The following ATP2A3 variants were observed in gnomAD, a reference collection of about 807,000 sequenced individuals.
ATP2A3 encodes the protein ATPase sarcoplasmic/endoplasmic reticulum Ca2+ transporting 3.
A neutral mutation model predicts 106.8 loss-of-function variants in ATP2A3; 61 were observed. That is an observed-to-expected ratio of 0.57 (90% CI 0.46 to 0.71). The LOEUF (loss-of-function observed/expected upper bound fraction) is 0.71. Ranked by LOEUF, ATP2A3 falls within the 30% of genes least tolerant of loss-of-function variation. The probability of loss-of-function intolerance (pLI) is 0.00; values close to 1 mark genes in which losing one functional copy is unlikely to be tolerated. For missense variants in ATP2A3, 1,201 were observed against 1,423.5 expected (o/e 0.84, Z 2.52); for synonymous variants, 611 against 609.3 (o/e 1.00, Z -0.04).
intron 3 of ATP2A3, 42 bp from the exon 4 acceptor site, chr17:3,951,727 C>G (rs755228198): frequency 2.6e-6 from 4 of 1,556,654 alleles, no homozygotes; most frequent in South Asian, 1.2e-5. Flanking sequence ...TGCTGCGGGC[C>G]GAGATCTGCT....
chr17:3,953,459 G>T lies in ATP2A3; in HGVS notation c.137-30C>A, dbSNP rs773956994. ...GAACGGGGGTCATGTGTGAGGCTGG[G>T]CCCCCACCACTGACCCTGCCCACTC... On this transcript the variant is annotated intron_variant, in intron 2 of 20. Transcript: ENST00000397041. The surrounding 1 kb of genome is among the most constrained non-coding windows in gnomAD (Gnocchi z 5.1). 6.2e-7 allele frequency: 1 copy of T among 1,607,148 alleles called. No individual in the cohort carries two copies. Among genetic ancestry groups the T allele is most frequent in the South Asian group, 1.1e-5 (1 of 90,926 alleles).
chr17:3,935,074 G>T, intron 17 of ATP2A3, 118 bp downstream of exon 17: 1 of 1,062,172 alleles, frequency 9.4e-7, no homozygotes, highest in Non-Finnish European at 1.4e-6. Context: ...GTTTATTCGT[G>T]TATAGCGAGT....
Position 3,925,604 on chromosome 17 carries a change from C to G in ATP2A3, c.2981-163G>C, listed in dbSNP as rs538649428. On this transcript the variant is annotated intron_variant, in intron 20 of 20. Transcript: ENST00000397041. The surrounding 1 kb of genome is among the most constrained non-coding windows in gnomAD (Gnocchi z 4.2). ...AGTCTACCCCAGCCCCACCGGACCC[C>G]CCAAGCTGCATCCAGGATCCATCCC... Among the ~76,000 whole-genome samples, 11 of 151,836 alleles carry G rather than the reference C, an allele frequency of 7.2e-5. No individual in the cohort carries two copies. Among genetic ancestry groups the G allele is most frequent in the African/African-American group, 2.4e-4 (10 of 41,378 alleles).
intron 1 of ATP2A3, 78 bp downstream of exon 1, chr17:3,964,096 T>A: frequency 1.3e-6 from 1 of 770,040 alleles, no homozygotes; most frequent in Non-Finnish European, 1.6e-6. Context: ...CAGAGCCGGG[T>A]GGGGAGGCAG....
In ATP2A3 at chr17:3,944,917, A is replaced by AG. The variant is rs146313565; in HGVS notation, c.1185-112dup. 5,253 of 1,284,934 alleles carry AG rather than the reference A, an allele frequency of 4.1e-3. 106 individuals are homozygous for AG. In the African/African-American group the frequency reaches 0.053, roughly 13 times the overall value. 79.6% of individuals were successfully genotyped at this position (1,284,934 alleles called of 1,614,324 possible). On this transcript the variant is annotated intron_variant, in intron 9 of 20. Coordinates refer to ENST00000397041, the MANE Select transcript of ATP2A3 (RefSeq NM_005173.4). Reference sequence around the variant, plus strand: ...TCCGCCTCTTGGCCCCGCCCCCAGAAGGGCTCCGCCTCCTGGCCCCGCCCC... The same window carrying AG: ...TCCGCCTCTTGGCCCCGCCCCCAGAAGGGGCTCCGCCTCCTGGCCCCGCCCC...
Position 3,930,586 on chromosome 17 carries a change from G to C in ATP2A3, c.2611-152C>G. On this transcript the variant is annotated intron_variant, in intron 17 of 20. Transcript: ENST00000397041. This position sits in a 1 kb window ranked among gnomAD's most constrained non-coding sequence, Gnocchi z 5.4. ...GGGGTGGGCTGGGGATCCCGGGAGG[G>C]GTGCGGGGTCGGGGCGGCGGTGGGG... The C allele has an allele frequency of 8.5e-7, 1 of 1,172,490 alleles. No individual in the cohort carries two copies. The highest frequency in any genetic ancestry group is 1.2e-6 in the Non-Finnish European group (1 of 823,452). 72.6% of individuals were successfully genotyped at this position (1,172,490 alleles called of 1,614,324 possible). A position where few individuals can be genotyped will look rare whatever the true frequency, so the allele number is the denominator to read the frequency against.
chr17:3,953,871 T>C lies in ATP2A3; in HGVS notation c.119-161A>G, dbSNP rs889277538. Among the ~76,000 whole-genome samples the C allele has an allele frequency of 6.6e-6, 1 of 151,788 alleles. No individual in the cohort carries two copies. Among genetic ancestry groups the C allele is most frequent in the Non-Finnish European group, 1.5e-5 (1 of 67,934 alleles). ...GGGCTCTCTGAGGCCACAGGATAAA[T>C]GGTTTGAGCCCAAATGCTTCCACCC... is the stretch of plus-strand genomic sequence containing the variant. On this transcript the variant is annotated intron_variant, in intron 1 of 20. Coordinates refer to ENST00000397041, the MANE Select transcript of ATP2A3 (RefSeq NM_005173.4). This position sits in a 1 kb window ranked among gnomAD's most constrained non-coding sequence, Gnocchi z 5.1.
At chr17:3,938,601 A>C (rs562049145) in intron 14 of ATP2A3, among the ~76,000 whole-genome samples, 5 of 151,616 alleles carry the variant, frequency 3.3e-5, no homozygotes, top group African/African-American at 1.2e-4. Context: ...GCTGGAGTGC[A>C]ATGGCACAAT....
rs1164505338 is a variant in ATP2A3 at position 3,941,209 on chromosome 17, A to T, written c.1862T>A (p.Val621Glu). 1 of 1,614,094 alleles carries T rather than the reference A, an allele frequency of 6.2e-7. No homozygotes were observed. The highest frequency in any genetic ancestry group is 1.1e-5 in the South Asian group (1 of 91,090). The change falls in exon 14 of 21, where the codon GTG (valine) becomes GAG (glutamate). Residue 621 changes from valine to glutamate, a missense_variant. Val to Glu is a moderately radical substitution (Grantham distance 121). Around this residue, in one of 2 missense-constraint regions of ATP2A3, gnomAD observed 935 missense variants for 1,176.7 expected, o/e 0.79. Coordinates refer to ENST00000397041, the MANE Select transcript of ATP2A3 (RefSeq NM_005173.4). ...TTTGTTATCCCCCGTGATCATGACC[A>T]CGCGGATGCCCGCCTGGTAGCAGCG... is the stretch of plus-strand genomic sequence containing the variant. ...ITRCYQAGIR[V>E]VMITGDNKGT...
Position 3,930,367 on chromosome 17 carries a change from G to A in ATP2A3, c.2678C>T (p.Ser893Leu), listed in dbSNP as rs776982530. 1 of 1,613,822 alleles carries A rather than the reference G, an allele frequency of 6.2e-7. No individual in the cohort carries two copies. Among genetic ancestry groups the A allele is most frequent in the Non-Finnish European group, 8.5e-7 (1 of 1,179,908 alleles). The change falls in exon 18 of 21, where the codon TCA becomes TTA. Residue 893 changes from serine to leucine, a missense_variant. Ser to Leu is a moderately radical substitution (Grantham distance 145). Coordinates refer to ENST00000397041, the MANE Select transcript of ATP2A3 (RefSeq NM_005173.4). The surrounding 1 kb of genome is among the most constrained non-coding windows in gnomAD (Gnocchi z 5.4). ...FAGIDCEVFE[S>L]RFPTTMALSV... ...CAAGGCCATGGTGGTGGGGAAGCGT[G>A]ACTCGAACACCTCACAGTCGATGCC...
intron 1 of ATP2A3, among the ~76,000 whole-genome samples, chr17:3,957,260 T>C (rs933209): frequency 0.17 from 25,509 of 152,152 alleles, 2,349 homozygotes; most frequent in Middle Eastern, 0.25. Context: ...AGAGGTTGAG[T>C]GACTAGTTCA....
In ATP2A3 at chr17:3,925,240, T is replaced by G; in HGVS notation, c.*182A>C. 1 of 907,286 alleles carries G rather than the reference T, an allele frequency of 1.1e-6. No individual in the cohort carries two copies. Among genetic ancestry groups the G allele is most frequent in the Admixed American group, 2.1e-5 (1 of 46,580 alleles). The allele number at this position is 907,286 out of a possible 1,614,324, so 56.2% of individuals were successfully genotyped here. A position where few individuals can be genotyped will look rare whatever the true frequency, so the allele number is the denominator to read the frequency against. On this transcript the variant is annotated 3_prime_UTR_variant, in exon 21 of 21. Transcript: ENST00000397041. The surrounding 1 kb of genome is among the most constrained non-coding windows in gnomAD (Gnocchi z 4.2). ...ACAGACCTCCCAGGCCAGAAGGAAG[T>G]GGGGACAGAGACCCCAGGACGGGGC... is the stretch of plus-strand genomic sequence containing the variant.
At position 3,933,044 on chromosome 17, in the gene ATP2A3, G is replaced by A. The variant is rs534090704; in HGVS notation, c.2610+2148C>T. Among the ~76,000 whole-genome samples the A allele has an allele frequency of 2.2e-4, 34 of 151,822 alleles. 1 individual carries two copies. The South Asian group carries it at 6.6e-3, about 30-fold the overall frequency. ...CGCCTGTATTCCCAGCACTTTGGGA[G>A]GCCAAGGCGGGCAGATCACCTGAGG... On this transcript the variant is annotated intron_variant, in intron 17 of 20. Coordinates refer to ENST00000397041, the MANE Select transcript of ATP2A3 (RefSeq NM_005173.4).
chr17:3,937,395 G>C, intron 15 of ATP2A3, 21 bp downstream of exon 15: 2 of 1,604,672 alleles, frequency 1.2e-6, no homozygotes, highest in South Asian at 1.1e-5. Flanking sequence ...AGGGCTGAGA[G>C]GAGGGAAGGC....
chr17:3,931,924 A>C (rs2053125292), intron 17 of ATP2A3, among the ~76,000 whole-genome samples: 1 of 152,206 alleles, frequency 6.6e-6, no homozygotes, highest in South Asian at 2.1e-4. Context: ...TCTGTCGCAT[A>C]AATACATCCG....
Position 3,929,468 on chromosome 17 carries a change from C to A in ATP2A3, c.2745-23G>T. The stretch of plus-strand genomic sequence containing the variant: ...ACGCTGCCAGGGCACAGGGTGCTCC[C>A]CTTAGGCCGGGGTGCAGGGAGGCCC... On this transcript the variant is annotated intron_variant, in intron 18 of 20. Transcript: ENST00000397041. The surrounding 1 kb of genome is among the most constrained non-coding windows in gnomAD (Gnocchi z 4.3). The A allele has an allele frequency of 6.3e-7, 1 of 1,576,274 alleles. No individual in the cohort carries two copies. The highest frequency in any genetic ancestry group is 8.6e-7 in the Non-Finnish European group (1 of 1,160,856).
rs752533912 is a variant in ATP2A3 at position 3,947,850 on chromosome 17, G to A, written c.636C>T (p.Thr212=). 3 of 1,598,546 alleles carry A rather than the reference G, an allele frequency of 1.9e-6. No homozygotes were observed. The highest frequency in any genetic ancestry group is 4.5e-5 in the East Asian group (2 of 44,876). The part of the protein sequence containing the change: ...QDKKNMLFSG[T]NITSGKAVGV... ...CCACCGCTTTGCCCGATGTGATATTGGTGCCCTGGCCAGGGGAGGGACAAG... is the reference window on the plus strand; with the variant it reads ...CCACCGCTTTGCCCGATGTGATATTAGTGCCCTGGCCAGGGGAGGGACAAG... The change falls in exon 8 of 21, where the codon ACC becomes ACT. Residue 212 remains threonine (T), a synonymous_variant. Coordinates refer to ENST00000397041, the MANE Select transcript of ATP2A3 (RefSeq NM_005173.4). This position sits in a 1 kb window ranked among gnomAD's most constrained non-coding sequence, Gnocchi z 7.7.
Position 3,953,849 on chromosome 17 carries a change from C to G in ATP2A3, c.119-139G>C, listed in dbSNP as rs2054600857. 3.3e-6 allele frequency: 3 copies of G among 913,718 alleles called. No homozygotes were observed. The highest frequency in any genetic ancestry group is 5.3e-6 in the Non-Finnish European group (3 of 569,028). The allele number at this position is 913,718 out of a possible 1,614,324, so 56.6% of individuals were successfully genotyped here. On this transcript the variant is annotated intron_variant, in intron 1 of 20. Transcript: ENST00000397041. This position sits in a 1 kb window ranked among gnomAD's most constrained non-coding sequence, Gnocchi z 5.1. Reference sequence around the variant, plus strand: ...CCACGGACTGGATGTATCCCCAGGGCTCTCTGAGGCCACAGGATAAATGGT... The same window carrying G: ...CCACGGACTGGATGTATCCCCAGGGGTCTCTGAGGCCACAGGATAAATGGT...
rs559357645 is a variant in ATP2A3, at chr17:3,951,795, A to G, written c.220-110T>C. The G allele has an allele frequency of 3.9e-5, 43 of 1,111,524 alleles. 1 individual carries two copies. The South Asian group carries it at 5.3e-4, about 14-fold the overall frequency. The allele number at this position is 1,111,524 out of a possible 1,614,324, so 68.9% of individuals were successfully genotyped here. ...TGCTTCCCTGCTTTGGGGAGATAGC[A>G]CTGGGGAGCTCTTGGCTTGGAGAGG... is the stretch of plus-strand genomic sequence containing the variant. On this transcript the variant is annotated intron_variant, in intron 3 of 20. Coordinates refer to ENST00000397041, the MANE Select transcript of ATP2A3 (RefSeq NM_005173.4).
Sources: gnomAD v4.1 joint callset for allele counts (sites outside exome capture counted in the v4.1 genomes callset) on GRCh38, gnomAD v4.1.1 for gene constraint, gnomAD v4.1.1 regional missense constraint, Gnocchi (gnomAD v3.1) non-coding constraint, MANE v1.5 for transcripts, NCBI Gene and HGNC (gene_info 2026-07-23, HGNC 2026-07-21) for gene names.